The following DPP6 variants were observed in gnomAD, a reference collection of about 807,000 sequenced individuals.
The protein encoded by DPP6 is A-type potassium channel modulatory protein DPP6.
DPP6 carries 69 observed loss-of-function variants against 122.6 expected under a neutral mutation model. The ratio of observed to expected loss-of-function variants is 0.56; its 90% CI spans 0.46 to 0.69. DPP6 has a LOEUF of 0.69. Among genes scored for constraint, DPP6 ranks in the 30% least tolerant of loss-of-function variants. DPP6 has a pLI of 0.00. For synonymous variants in DPP6, 418 were observed against 433.1 expected, an observed-to-expected ratio of 0.97 and a Z score of 0.43; for missense variants, 928 against 1,116.9, an observed-to-expected ratio of 0.83 and a Z score of 2.41.
rs900251145 is a variant in DPP6, at chr7:154,282,564, G to A, written c.244-163650G>A. ...CTGTTAGACTCAATGGTGGGAAGGGGATGGGATGCAGCCCAGGGCCTCCCT... is the reference window on the plus strand; with the variant it reads ...CTGTTAGACTCAATGGTGGGAAGGGAATGGGATGCAGCCCAGGGCCTCCCT... On this transcript the variant is annotated intron_variant, in intron 1 of 25. Transcript: ENST00000377770. This position sits in a 1 kb window ranked among gnomAD's most constrained non-coding sequence, Gnocchi z 4.8. 2.2e-4 allele frequency among the ~76,000 whole-genome samples: 34 copies of A among 152,178 alleles called. No individual in the cohort carries two copies. Among genetic ancestry groups the A allele is most frequent in the African/African-American group, 8.2e-4 (34 of 41,428 alleles).
chr7:153,873,454 A>G, the DPP6 span, among the ~76,000 whole-genome samples: 1 of 152,234 alleles, frequency 6.6e-6, no homozygotes, highest in African/African-American at 2.4e-5. Context: ...GAAAATAGAC[A>G]ATAATTCTAC....
At chr7:154,713,394 C>T (rs1469331827) in intron 7 of DPP6, among the ~76,000 whole-genome samples, 1 of 152,218 alleles carries the variant, frequency 6.6e-6, no homozygotes, top group Admixed American at 6.5e-5. Context: ...GGGCTCTGAC[C>T]CCACATTTCC....
chr7:154,471,824 A>G (rs1420810920), intron 2 of DPP6, among the ~76,000 whole-genome samples: 2 of 152,192 alleles, frequency 1.3e-5, no homozygotes, highest in East Asian at 3.9e-4. Context: ...TCACTATGCT[A>G]AAGAAGCATG....
At position 154,149,176 on chromosome 7, in the gene DPP6, A is replaced by T. The variant is rs577474540; in HGVS notation, c.243+96113A>T. 1.1e-4 allele frequency among the ~76,000 whole-genome samples: 17 copies of T among 152,388 alleles called. No individual in the cohort carries two copies. In the East Asian group the frequency reaches 3.1e-3, roughly 28 times the overall value. On this transcript the variant is annotated intron_variant, in intron 1 of 25. Transcript: ENST00000377770. ...AGCAGAACAATTGCAGTGCCTTTAC[A>T]GTGAAGGAACACAGGCTCCAGCTGT...
intron 1 of DPP6, among the ~76,000 whole-genome samples, chr7:154,266,615 A>C (rs1429723506): frequency 6.6e-6 from 1 of 152,186 alleles, no homozygotes; most frequent in African/African-American, 2.4e-5. Context: ...TTCATTCTGT[A>C]CACTTGGCCA....
chr7:154,326,417 C>G (rs904815379), intron 1 of DPP6, among the ~76,000 whole-genome samples: 1 of 152,084 alleles, frequency 6.6e-6, no homozygotes, highest in Non-Finnish European at 1.5e-5. Flanking sequence ...TCTATATATA[C>G]TGTCACAAAA....
chr7:154,329,967 G>A (rs1808773670), intron 1 of DPP6, among the ~76,000 whole-genome samples: 1 of 152,074 alleles, frequency 6.6e-6, no homozygotes, highest in South Asian at 2.1e-4. Flanking sequence ...TCACAAGCGG[G>A]AGTTGAACAA....
intron 1 of DPP6, among the ~76,000 whole-genome samples, chr7:153,963,041 T>A (rs1428886314): frequency 2.6e-5 from 4 of 152,180 alleles, no homozygotes; most frequent in Non-Finnish European, 5.9e-5. Flanking sequence ...CTCTAAAGGG[T>A]TTGTACTATT....
intron 7 of DPP6, among the ~76,000 whole-genome samples, chr7:154,685,699 T>C (rs1403166079): frequency 6.6e-6 from 1 of 152,210 alleles, no homozygotes; most frequent in African/African-American, 2.4e-5. Flanking sequence ...GCCAGGGAAA[T>C]TGTTGCTTCA....
At chr7:153,755,909 T>C in the DPP6 span, among the ~76,000 whole-genome samples, 1 of 152,206 alleles carries the variant, frequency 6.6e-6, no homozygotes, top group African/African-American at 2.4e-5. Context: ...TCACAGGCTA[T>C]GGGACATGGC....
intron 1 of DPP6, among the ~76,000 whole-genome samples, chr7:154,247,412 C>T (rs1256492341): frequency 6.6e-6 from 1 of 152,164 alleles, no homozygotes; most frequent in Non-Finnish European, 1.5e-5. Flanking sequence ...AATATTCCTA[C>T]AAATCAATAA....
intron 1 of DPP6, among the ~76,000 whole-genome samples, chr7:154,012,304 T>C (rs1798189155): frequency 6.6e-6 from 1 of 152,214 alleles, no homozygotes; most frequent in Admixed American, 6.5e-5. Flanking sequence ...CTAGAGGAAA[T>C]CATAGCCCTA....
intron 1 of DPP6, among the ~76,000 whole-genome samples, chr7:154,287,014 A>G (rs1804900613): frequency 6.6e-6 from 1 of 151,906 alleles, no homozygotes. Flanking sequence ...TGTTGGCCAG[A>G]CTGGTCCTAA....
intron 1 of DPP6, among the ~76,000 whole-genome samples, chr7:154,376,820 G>T (rs1409099612): frequency 1.2e-4 from 19 of 152,176 alleles, no homozygotes; most frequent in Admixed American, 1.2e-3. Flanking sequence ...GTATTAGTAT[G>T]AGGTAATTTG....
chr7:154,640,423 G>A (rs1836000533), intron 6 of DPP6, among the ~76,000 whole-genome samples: 1 of 151,818 alleles, frequency 6.6e-6, no homozygotes, highest in Non-Finnish European at 1.5e-5. Context: ...CTCTGGGGGT[G>A]CCAAAGTCAG....
intron 1 of DPP6, among the ~76,000 whole-genome samples, chr7:154,411,630 C>T (rs1816607626): frequency 6.6e-6 from 1 of 152,154 alleles, no homozygotes; most frequent in African/African-American, 2.4e-5. Context: ...TCCAGAAATT[C>T]TACCCCACAA....
intron 1 of DPP6, among the ~76,000 whole-genome samples, chr7:153,952,481 G>A (rs914443355): frequency 6.6e-6 from 1 of 152,194 alleles, no homozygotes; most frequent in Admixed American, 6.5e-5. Context: ...ATTAAAGAAA[G>A]TGTTTTATTA....
Position 153,891,018 on chromosome 7 carries a change from ATTTTTTTTT to A in DPP6, c.51+3297_51+3305del, listed in dbSNP as rs71182849. 5.1e-5 allele frequency among the ~76,000 whole-genome samples: 3 copies of A among 59,184 alleles called. No individual in the cohort carries two copies. The Admixed American group carries it at 7.0e-4, about 14-fold the overall frequency. 38.8% of individuals were successfully genotyped at this position (59,184 alleles called of 152,430 possible). A position where few individuals can be genotyped will look rare whatever the true frequency, so the allele number is the denominator to read the frequency against. ...TGGCCAGTTTAGAACTTCTATTTTA[ATTTTTTTTT>A]TTTTTTTTTTTTGAGATGGAGTCTC... On this transcript the variant is annotated intron_variant, in intron 1 of 25. Coordinates refer to the DPP6 transcript ENST00000404039.
intron 7 of DPP6, among the ~76,000 whole-genome samples, chr7:154,689,767 T>C (rs1839834249): frequency 2.0e-5 from 3 of 152,198 alleles, no homozygotes; most frequent in Admixed American, 6.5e-5. Flanking sequence ...TAAAAACAAT[T>C]ATATCAATTT....
Sources: allele counts gnomAD v4.1 joint callset (sites outside exome capture counted in the v4.1 genomes callset), GRCh38; gene constraint gnomAD v4.1.1; non-coding constraint Gnocchi (gnomAD v3.1); transcripts MANE v1.5; gene names NCBI Gene and HGNC (gene_info 2026-07-23, HGNC 2026-07-21).